CCSER2: variants seen among roughly 807,000 people sequenced by gnomAD.
CCSER2 encodes the protein coiled-coil serine rich protein 2.
CCSER2 carries 46 observed loss-of-function variants against 92.3 expected under a neutral mutation model. The ratio of observed to expected loss-of-function variants is 0.50; its 90% CI spans 0.39 to 0.64. The LOEUF (loss-of-function observed/expected upper bound fraction) is 0.64, where lower values mean the gene tolerates loss of function less well. CCSER2 is among the 30% of genes least tolerant of loss of function. CCSER2 has a pLI of 0.00. For synonymous variants in CCSER2, 433 were observed against 431.4 expected, an observed-to-expected ratio of 1.00 and a Z score of -0.04; for missense variants, 1,244 against 1,238.9, an observed-to-expected ratio of 1.00 and a Z score of -0.06.
chr10:84,480,261 G>A (rs1166784146), intron 9 of CCSER2, among the ~76,000 whole-genome samples: 1 of 152,012 alleles, frequency 6.6e-6, no homozygotes, highest in African/African-American at 2.4e-5. Flanking sequence ...GGGCTCAGGT[G>A]ATCTTTTTGC....
chr10:84,328,688 C>CGGCGGGGCT lies in CCSER2; in HGVS notation c.-152_-144dup, dbSNP rs1363837996. On this transcript the variant is annotated 5_prime_UTR_variant, in exon 1 of 10. Transcript: ENST00000372088. ...GCGATGCTGGTTGCTGCGGCTCGGGCGGCGGGGCTGGCGGGGATGTGACGG... is the reference window on the plus strand; with the variant it reads ...GCGATGCTGGTTGCTGCGGCTCGGGCGGCGGGGCTGGCGGGGCTGGCGGGGATGTGACGG... The CGGCGGGGCT allele has an allele frequency of 7.3e-5, 11 of 151,218 alleles. No individual in the cohort carries two copies. The highest frequency in any genetic ancestry group is 1.9e-4 in the East Asian group (1 of 5,146). The allele number at this position is 151,218 out of a possible 1,614,324, so 9.4% of individuals were successfully genotyped here.
intron 9 of CCSER2, among the ~76,000 whole-genome samples, chr10:84,492,123 C>A (rs554682277): frequency 6.6e-6 from 1 of 151,980 alleles, no homozygotes; most frequent in South Asian, 2.1e-4. Context: ...ACTAAAAATA[C>A]AAAATATTAT....
chr10:84,438,433 C>A, intron 5 of CCSER2, 79 bp from the exon 6 acceptor site: 1 of 810,802 alleles, frequency 1.2e-6, no homozygotes, highest in Non-Finnish European at 2.0e-6. Flanking sequence ...ATAATCACTG[C>A]AATAATTTCA....
intron 1 of CCSER2, among the ~76,000 whole-genome samples, chr10:84,337,067 T>C (rs558478685): frequency 1.3e-5 from 2 of 152,308 alleles, no homozygotes; most frequent in South Asian, 4.1e-4. Flanking sequence ...GTTAGTAATC[T>C]GAGTGGAGAT....
At position 84,372,018 on chromosome 10, in the gene CCSER2, A is replaced by C. The variant is rs935566156; in HGVS notation, c.966A>C (p.Leu322=). The C allele has an allele frequency of 6.2e-6, 10 of 1,613,700 alleles. No homozygotes were observed. The highest frequency in any genetic ancestry group is 1.7e-5 in the Admixed American group (1 of 59,968). The change falls in exon 2 of 10, where the codon CTA becomes CTC. Residue 322 remains leucine, a synonymous_variant. Coordinates refer to ENST00000372088, the MANE Select transcript of CCSER2 (RefSeq NM_001284240.2). ...TLGYRMVHPS[L]LKSSRSPFSG... ...GTTATAGAATGGTTCATCCCTCTCT[A>C]CTGAAATCTAGCCGATCTCCATTTT...
At chr10:84,411,261 T>C (rs1222030797) in intron 3 of CCSER2, among the ~76,000 whole-genome samples, 1 of 152,186 alleles carries the variant, frequency 6.6e-6, no homozygotes, top group Non-Finnish European at 1.5e-5. Context: ...TCTTTTTGCT[T>C]AGGATTGTCT....
intron 1 of CCSER2, among the ~76,000 whole-genome samples, chr10:84,346,035 A>G (rs1261660706): frequency 6.6e-6 from 1 of 152,202 alleles, no homozygotes; most frequent in Non-Finnish European, 1.5e-5. Flanking sequence ...TTCTTCACCC[A>G]ATAGCTTTTA....
intron 6 of CCSER2, among the ~76,000 whole-genome samples, chr10:84,450,316 A>T (rs1845200283): frequency 6.6e-6 from 1 of 152,202 alleles, no homozygotes; most frequent in Non-Finnish European, 1.5e-5. Context: ...AACAGTATAA[A>T]ACTATCAAAA....
At chr10:84,352,778 T>C (rs972324880) in intron 1 of CCSER2, among the ~76,000 whole-genome samples, 2 of 151,780 alleles carry the variant, frequency 1.3e-5, no homozygotes, top group African/African-American at 4.8e-5. Flanking sequence ...GGTAGGAGGT[T>C]AAGGTTAAGA....
intron 6 of CCSER2, among the ~76,000 whole-genome samples, chr10:84,461,448 C>T (rs1007032966): frequency 1.3e-5 from 2 of 152,114 alleles, no homozygotes; most frequent in African/African-American, 4.8e-5. Context: ...TTATTACTGT[C>T]CGCATATGTT....
At chr10:84,386,985 C>T (rs1461030332) in intron 3 of CCSER2, among the ~76,000 whole-genome samples, 1 of 152,038 alleles carries the variant, frequency 6.6e-6, no homozygotes, top group Admixed American at 6.5e-5. Flanking sequence ...CTATTGGGTA[C>T]AGTGTTCACT....
chr10:84,371,514 A>G lies in CCSER2; in HGVS notation c.462A>G (p.Lys154=). The part of the protein sequence containing the change: ...SGPSNLGKFT[K]GTLLGRTSYS... ...CATCTAATTTGGGTAAATTCACCAAAGGCACATTATTAGGAAGGACTTCAT... is the reference window on the plus strand; with the variant it reads ...CATCTAATTTGGGTAAATTCACCAAGGGCACATTATTAGGAAGGACTTCAT... Residue 154 remains lysine, a synonymous_variant, in exon 2 of 10, where the codon AAA becomes AAG. Transcript: ENST00000372088. 6.2e-7 allele frequency: 1 copy of G among 1,613,820 alleles called. No homozygotes were observed.
chr10:84,391,779 A>G, intron 3 of CCSER2: 1 of 1,566,642 alleles, frequency 6.4e-7, no homozygotes, highest in Non-Finnish European at 8.8e-7. Context: ...CCTTTCTGAG[A>G]AACATAAGAG....
At chr10:84,377,557 G>T (rs942908734) in intron 3 of CCSER2, among the ~76,000 whole-genome samples, 3 of 152,102 alleles carry the variant, frequency 2.0e-5, no homozygotes, top group African/African-American at 7.2e-5. Context: ...AAATTTTGCT[G>T]CCTGGTAGGG....
At chr10:84,347,311 G>T (rs1205016114) in intron 1 of CCSER2, among the ~76,000 whole-genome samples, 2 of 152,138 alleles carry the variant, frequency 1.3e-5, no homozygotes, top group African/African-American at 4.8e-5. Flanking sequence ...TAGACGGGGT[G>T]GTGGCCAGGC....
chr10:84,420,259 A>G (rs1843073952), intron 4 of CCSER2, among the ~76,000 whole-genome samples: 1 of 152,204 alleles, frequency 6.6e-6, no homozygotes, highest in African/African-American at 2.4e-5. Context: ...ACTTGTGAAA[A>G]GTAGGAGGGA....
chr10:84,476,709 C>G (rs1847171750), intron 8 of CCSER2, among the ~76,000 whole-genome samples: 1 of 152,122 alleles, frequency 6.6e-6, no homozygotes, highest in South Asian at 2.1e-4. Context: ...TCCCAAAGTG[C>G]TGGGATTACA....
intron 1 of CCSER2, among the ~76,000 whole-genome samples, chr10:84,331,948 C>T (rs1276918917): frequency 6.6e-6 from 1 of 152,110 alleles, no homozygotes; most frequent in Non-Finnish European, 1.5e-5. Context: ...TACTATTTTG[C>T]AGATAATGCC....
chr10:84,424,104 A>G (rs1166569346), intron 4 of CCSER2, among the ~76,000 whole-genome samples: 1 of 151,846 alleles, frequency 6.6e-6, no homozygotes, highest in Non-Finnish European at 1.5e-5. Flanking sequence ...GTGAGCTATG[A>G]TTGCACCACT....
Sources: allele counts gnomAD v4.1 joint callset (sites outside exome capture counted in the v4.1 genomes callset), GRCh38; gene constraint gnomAD v4.1.1; transcripts MANE v1.5; gene names NCBI Gene and HGNC (gene_info 2026-07-23, HGNC 2026-07-21).